MYH6: variants seen among roughly 807,000 people sequenced by gnomAD.
MYH6 encodes the protein myosin heavy chain 6, also known as myosin-6.
Under a neutral mutation model 223.2 loss-of-function variants are expected in MYH6, and 126 were observed. The observed-to-expected ratio is 0.56, with a 90% CI of 0.49 to 0.65. MYH6 has a LOEUF of 0.65. MYH6 is among the 30% of genes least tolerant of loss of function. MYH6 has a pLI of 0.00. For synonymous variants in MYH6, 978 were observed against 1,010.2 expected (o/e 0.97, Z 0.61); for missense variants, 2,040 against 2,536.4 (o/e 0.80, Z 4.20).
chr14:23,400,303 T>C lies in MYH6; in HGVS notation c.1534A>G (p.Ile512Val), dbSNP rs533766156. 1 of 1,614,198 alleles carries C rather than the reference T, an allele frequency of 6.2e-7. No individual in the cohort carries two copies. Among genetic ancestry groups the C allele is most frequent in the Admixed American group, 1.7e-5 (1 of 60,030 alleles). ...GCCTGCAGGTCCATGCCAAAGTCAA[T>C]GAATGTCCACTCAATGCCCTCCTTC... ...YKKEGIEWTFIDFGMDLQACI... is the reference protein window; with the variant it reads ...YKKEGIEWTFVDFGMDLQACI... The change falls in exon 14 of 39, where the codon ATT (isoleucine) becomes GTT (valine). Residue 512 changes from isoleucine to valine, a missense_variant. Physicochemically the swap from Ile to Val is conservative, Grantham distance 29. Around this residue, in one of 4 missense-constraint regions of MYH6, gnomAD observed 649 missense variants for 877.3 expected, o/e 0.74. Coordinates refer to ENST00000405093, the MANE Select transcript of MYH6 (RefSeq NM_002471.4).
rs371240528 is a variant in MYH6 at position 23,404,406 on chromosome 14, C to G, written c.643-18G>C. 6.2e-7 allele frequency: 1 copy of G among 1,613,330 alleles called. No individual in the cohort carries two copies. The highest frequency in any genetic ancestry group is 1.3e-5 in the African/African-American group (1 of 74,920). Reference sequence around the variant, plus strand: ...AGGGTGCCCTATGAAAGGAGCAGAACTGCATGGGTTCATCCTCCATCCACC... The same window carrying G: ...AGGGTGCCCTATGAAAGGAGCAGAAGTGCATGGGTTCATCCTCCATCCACC... On this transcript the variant is annotated intron_variant, in intron 7 of 38. Coordinates refer to ENST00000405093, the MANE Select transcript of MYH6 (RefSeq NM_002471.4).
In MYH6 at chr14:23,387,780, C is replaced by G. The variant is rs1359397672; in HGVS notation, c.4503G>C (p.Lys1501Asn). The G allele has an allele frequency of 3.7e-6, 6 of 1,614,012 alleles. No individual in the cohort carries two copies. Among genetic ancestry groups the G allele is most frequent in the Non-Finnish European group, 5.1e-6 (6 of 1,180,028 alleles). ...CACCCTGAAGGTTCTTGTTCTCCCGCTTGAAGGTCTCTAGGTGCTCCAGGG... is the reference window on the plus strand; with the variant it reads ...CACCCTGAAGGTTCTTGTTCTCCCGGTTGAAGGTCTCTAGGTGCTCCAGGG... Reference protein sequence around the residue: ...EESLEHLETFKRENKNLQEEI... With the variant: ...EESLEHLETFNRENKNLQEEI... The change falls in exon 31 of 39, where the codon AAG (lysine) becomes AAC (asparagine). Residue 1501 changes from lysine (K) to asparagine (N), a missense_variant. Lys to Asn is a moderately conservative substitution (Grantham distance 94). Around this residue, in one of 4 missense-constraint regions of MYH6, gnomAD observed 1,203 missense variants for 1,400.2 expected, o/e 0.86. Coordinates refer to ENST00000405093, the MANE Select transcript of MYH6 (RefSeq NM_002471.4).
intron 36 of MYH6, 27 bp downstream of exon 36, chr14:23,384,415 A>G: frequency 1.2e-6 from 2 of 1,606,216 alleles, no homozygotes; most frequent in Non-Finnish European, 8.5e-7. Context: ...TTCCACATCT[A>G]CTCCTGGTGT....
rs764301017 is a variant in MYH6, at chr14:23,405,218, C to T, written c.502+5G>A. The T allele has an allele frequency of 3.1e-6, 5 of 1,613,904 alleles. No individual in the cohort carries two copies. The East Asian group carries it at 1.1e-4, about 36-fold the overall frequency. ...GGAGCAGAGACCAGGGGCCACCAGG[C>T]TCACCTGTCAGCATGTACTGATAGG... On this transcript the variant is annotated splice_donor_5th_base_variant and intron_variant, in intron 5 of 38. Transcript: ENST00000405093. This position sits in a 1 kb window ranked among gnomAD's most constrained non-coding sequence, Gnocchi z 4.7.
At chr14:23,392,840 C>T (rs372656808) in intron 24 of MYH6, 72 bp downstream of exon 24, 25 of 1,596,820 alleles carry the variant, frequency 1.6e-5, no homozygotes, top group East Asian at 6.7e-5. Context: ...CCAGTGGAGG[C>T]GCAGCACCCT....
rs61742472 is a variant in MYH6, at chr14:23,402,474, G to C, written c.1131C>G (p.Asp377Glu). ...GCCTGCCCCTCCCACCTTCGGTGCC[G>C]TCTGGCTCCGCCTGCTCCTCCCGCT... The part of the protein sequence containing the change: ...QKQREEQAEP[D>E]GTEDADKSAY... Residue 377 changes from aspartate (D) to glutamate (E), a missense_variant, in exon 12 of 39, where the codon GAC (aspartate) becomes GAG (glutamate). Coordinates refer to ENST00000405093, the MANE Select transcript of MYH6 (RefSeq NM_002471.4). 4.2e-4 allele frequency: 676 copies of C among 1,613,092 alleles called. 2 individuals carry two copies. In the African/African-American group the frequency reaches 7.9e-3, roughly 19 times the overall value.
Position 23,407,642 on chromosome 14 carries a change from T to G in MYH6, c.-46-34A>C. 1 of 1,114,444 alleles carries G rather than the reference T, an allele frequency of 9.0e-7. No homozygotes were observed. The highest frequency in any genetic ancestry group is 1.1e-6 in the Non-Finnish European group (1 of 906,448). 69.0% of individuals were successfully genotyped at this position (1,114,444 alleles called of 1,614,324 possible). A position where few individuals can be genotyped will look rare whatever the true frequency, so the allele number is the denominator to read the frequency against. On this transcript the variant is annotated intron_variant, in intron 1 of 38. Coordinates refer to ENST00000405093, the MANE Select transcript of MYH6 (RefSeq NM_002471.4). This position sits in a 1 kb window ranked among gnomAD's most constrained non-coding sequence, Gnocchi z 5.6. Reference sequence around the variant, plus strand: ...TGGGTGGAGCAAGGAACAACAGAGGTAGAGCCGGGCAGAGAGAAGAACAGA... The same window carrying G: ...TGGGTGGAGCAAGGAACAACAGAGGGAGAGCCGGGCAGAGAGAAGAACAGA...
In MYH6 at chr14:23,404,384, G is replaced by A. The variant is rs1448960877; in HGVS notation, c.647C>T (p.Thr216Ile). ...KKDNANANKG[T>I]LEDQIIQANP... is the part of the protein sequence containing the mutation. ...GGCCTGGATGATCTGGTCCTCCAGG[G>A]TGCCCTATGAAAGGAGCAGAACTGC... The change falls in exon 8 of 39, where the codon ACC becomes ATC. Residue 216 changes from threonine (T) to isoleucine (I), a missense_variant. Thr to Ile is a moderately conservative substitution (Grantham distance 89). This residue lies in a region of MYH6 where 649 missense variants were observed against 877.3 expected (regional missense o/e 0.74). Transcript: ENST00000405093. 6.2e-7 allele frequency: 1 copy of A among 1,614,080 alleles called. No homozygotes were observed. Among genetic ancestry groups the A allele is most frequent in the Non-Finnish European group, 8.5e-7 (1 of 1,180,032 alleles).
rs374180605 is a variant in MYH6 at position 23,398,883 on chromosome 14, G to A, written c.1736C>T (p.Ser579Phe). The change falls in exon 15 of 39, where the codon TCC (serine) becomes TTC (phenylalanine). Residue 579 changes from serine to phenylalanine, a missense_variant. Physicochemically the swap from Ser to Phe is radical, Grantham distance 155 (BLOSUM62 -2). This residue lies in a region of MYH6 where 649 missense variants were observed against 877.3 expected (regional missense o/e 0.74). Transcript: ENST00000405093. ...NIKGKQEAHF[S>F]LIHYAGTVDY... ...CACAGTGCCGGCGTAGTGGATCAGG[G>A]AGAAGTGGGCTTCCTGCTTCCCCTT... 2 of 1,614,140 alleles carry A rather than the reference G, an allele frequency of 1.2e-6. No individual in the cohort carries two copies. Among genetic ancestry groups the A allele is most frequent in the Non-Finnish European group, 8.5e-7 (1 of 1,180,028 alleles).
rs1366488110 is a variant in MYH6, at chr14:23,407,470, A to G, written c.-14+106T>C. The stretch of plus-strand genomic sequence containing the variant: ...GGGGTGGCATTGGCTGGAGTATGCT[A>G]AGGGTTGGCGCTGAGTGCTTGGGAC... On this transcript the variant is annotated intron_variant, in intron 2 of 38. Coordinates refer to ENST00000405093, the MANE Select transcript of MYH6 (RefSeq NM_002471.4). The surrounding 1 kb of genome is among the most constrained non-coding windows in gnomAD (Gnocchi z 5.6). 1.6e-6 allele frequency: 2 copies of G among 1,263,844 alleles called. No homozygotes were observed. The highest frequency in any genetic ancestry group is 2.1e-6 in the Non-Finnish European group (2 of 954,238). 78.3% of individuals were successfully genotyped at this position (1,263,844 alleles called of 1,614,324 possible).
intron 37 of MYH6, 21 bp from the exon 38 acceptor site, chr14:23,382,583 T>A (rs540649346): frequency 6.2e-7 from 1 of 1,614,148 alleles, no homozygotes; most frequent in African/African-American, 1.3e-5. Flanking sequence ...ACAGTGGGGA[T>A]GGGTGAATGA....
At position 23,405,586 on chromosome 14, in the gene MYH6, C is replaced by T. The variant is rs112783543; in HGVS notation, c.345+41G>A. 1.8e-5 allele frequency: 29 copies of T among 1,613,810 alleles called. No individual in the cohort carries two copies. Among genetic ancestry groups the T allele is most frequent in the South Asian group, 2.2e-5 (2 of 91,062 alleles). ...CCCCCCTGGCTTATTTAGGCCTCCA[C>T]GCAGCACAGGAAGCCTCTGCAGTGT... On this transcript the variant is annotated intron_variant, in intron 4 of 38. Coordinates refer to ENST00000405093, the MANE Select transcript of MYH6 (RefSeq NM_002471.4). This position sits in a 1 kb window ranked among gnomAD's most constrained non-coding sequence, Gnocchi z 4.7.
chr14:23,403,825 G>A, intron 8 of MYH6, 47 bp from the exon 9 acceptor site: 1 of 1,511,540 alleles, frequency 6.6e-7, no homozygotes, highest in African/African-American at 1.4e-5. Flanking sequence ...GAAGGACAGA[G>A]TGAAATCCTG....
rs1566516412 is a variant in MYH6 at position 23,405,202 on chromosome 14, A to T, written c.502+21T>A. 6.2e-7 allele frequency: 1 copy of T among 1,613,968 alleles called. No homozygotes were observed. The highest frequency in any genetic ancestry group is 8.5e-7 in the Non-Finnish European group (1 of 1,180,038). On this transcript the variant is annotated intron_variant, in intron 5 of 38. Coordinates refer to ENST00000405093, the MANE Select transcript of MYH6 (RefSeq NM_002471.4). The surrounding 1 kb of genome is among the most constrained non-coding windows in gnomAD (Gnocchi z 4.7). ...TGGGTGTCTGGGAGGAGGAGCAGAG[A>T]CCAGGGGCCACCAGGCTCACCTGTC...
chr14:23,399,153 G>C lies in MYH6; in HGVS notation c.1582-116C>G, dbSNP rs1891521670. The C allele has an allele frequency of 1.3e-5, 17 of 1,290,442 alleles. No homozygotes were observed. In the South Asian group the frequency reaches 2.1e-4, roughly 16 times the overall value. The allele number at this position is 1,290,442 out of a possible 1,614,324, so 79.9% of individuals were successfully genotyped here. Reference sequence around the variant, plus strand: ...AGCCAGTAGCGCTGGCCTGCTGAAGGGGCGCTGTGCTGGTACCTCTTACCC... The same window carrying C: ...AGCCAGTAGCGCTGGCCTGCTGAAGCGGCGCTGTGCTGGTACCTCTTACCC... On this transcript the variant is annotated intron_variant, in intron 14 of 38. Transcript: ENST00000405093.
intron 25 of MYH6, among the ~76,000 whole-genome samples, chr14:23,390,957 A>C (rs1487916806): frequency 6.6e-6 from 1 of 152,176 alleles, no homozygotes; most frequent in East Asian, 1.9e-4. Context: ...CCAATCAACC[A>C]TATTCCTTGC....
In MYH6 at chr14:23,397,936, T is replaced by G. The variant is rs538654807; in HGVS notation, c.1892-323A>C. ...CTCCTCCTCCTCCTCCTCCTCCTCT[T>G]CTTCTTCTTCTTCTTCTTCTTCTTC... On this transcript the variant is annotated intron_variant, in intron 15 of 38. Coordinates refer to ENST00000405093, the MANE Select transcript of MYH6 (RefSeq NM_002471.4). Among the ~76,000 whole-genome samples the G allele has an allele frequency of 7.0e-5, 3 of 43,042 alleles. No individual in the cohort carries two copies. In the South Asian group the frequency reaches 2.8e-3, roughly 40 times the overall value. The allele number at this position is 43,042 out of a possible 152,430, so 28.2% of individuals were successfully genotyped here.
intron 14 of MYH6, 123 bp from the exon 15 acceptor site, chr14:23,399,160 G>C: frequency 8.4e-7 from 1 of 1,185,952 alleles, no homozygotes; most frequent in Non-Finnish European, 1.2e-6. Flanking sequence ...AAGGGGCGCT[G>C]TGCTGGTACC....
In MYH6 at chr14:23,404,481, G is replaced by C; in HGVS notation, c.643-93C>G. Reference sequence around the variant, plus strand: ...GAGGCTGCCCTGGCCCTGAGGAATGGGGGTGCGGGGCTGGGTGAACCGCTA... The same window carrying C: ...GAGGCTGCCCTGGCCCTGAGGAATGCGGGTGCGGGGCTGGGTGAACCGCTA... On this transcript the variant is annotated intron_variant, in intron 7 of 38. Transcript: ENST00000405093. The C allele has an allele frequency of 2.7e-6, 4 of 1,468,722 alleles. No individual in the cohort carries two copies. In the South Asian group the frequency reaches 4.5e-5, roughly 17 times the overall value. The allele number at this position is 1,468,722 out of a possible 1,614,324, so 91.0% of individuals were successfully genotyped here. A position where few individuals can be genotyped will look rare whatever the true frequency, so the allele number is the denominator to read the frequency against.
Sources: gnomAD v4.1 joint callset for allele counts (sites outside exome capture counted in the v4.1 genomes callset) on GRCh38, gnomAD v4.1.1 for gene constraint, gnomAD v4.1.1 regional missense constraint, Gnocchi (gnomAD v3.1) non-coding constraint, MANE v1.5 for transcripts, NCBI Gene and HGNC (gene_info 2026-07-23, HGNC 2026-07-21) for gene names.